ZNF254: variants seen among roughly 807,000 people sequenced by gnomAD.
ZNF254 encodes the protein zinc finger protein 254.
ZNF254 carries 10 observed loss-of-function variants against 12.4 expected under a neutral mutation model. The observed-to-expected ratio is 0.80, with a 90% CI of 0.50 to 1.36. The LOEUF is 1.36. ZNF254 is among the 40% of genes most tolerant of loss of function. The probability of loss-of-function intolerance (pLI) is 0.00; values close to 1 mark genes in which losing one functional copy is unlikely to be tolerated. For missense variants in ZNF254, 996 were observed against 763.9 expected (o/e 1.30, Z -3.58); for synonymous variants, 305 against 253.4 (o/e 1.20, Z -1.93).
At chr19:24,103,582 A>C (rs1973158513) in intron 1 of ZNF254, among the ~76,000 whole-genome samples, 1 of 152,174 alleles carries the variant, frequency 6.6e-6, no homozygotes, top group Admixed American at 6.5e-5. Flanking sequence ...TGTGACTCTC[A>C]GGTGCCAGCA....
chr19:24,087,877 A>G (rs943881950), intron 1 of ZNF254, among the ~76,000 whole-genome samples: 1 of 149,432 alleles, frequency 6.7e-6, no homozygotes, highest in Admixed American at 6.7e-5. Context: ...AAATTCAATA[A>G]TTGGCTAGGT....
At chr19:24,072,506 G>A (rs915693466) in intron 2 of ZNF254, among the ~76,000 whole-genome samples, 4 of 152,112 alleles carry the variant, frequency 2.6e-5, no homozygotes, top group Admixed American at 1.3e-4. Flanking sequence ...TGTATTTTGG[G>A]TATTAAGACA....
At chr19:24,061,438 G>T (rs1209264963) in intron 2 of ZNF254, among the ~76,000 whole-genome samples, 1 of 152,106 alleles carries the variant, frequency 6.6e-6, no homozygotes, top group East Asian at 1.9e-4. Flanking sequence ...AAGATGTGAT[G>T]CCTTTTCTAC....
Position 24,128,917 on chromosome 19 carries a change from A to G in ZNF254, c.*937A>G, listed in dbSNP as rs1380033825. ...TTTTTGAAAATACAGATTTTTTTTA[A>G]AAGTGAATAATGTGTTCAACTCTTA... On this transcript the variant is annotated 3_prime_UTR_variant, in exon 4 of 4. Coordinates refer to ENST00000357002, the MANE Select transcript of ZNF254 (RefSeq NM_203282.4). 2 of 152,050 alleles carry G rather than the reference A, an allele frequency of 1.3e-5. No homozygotes were observed. Among genetic ancestry groups the G allele is most frequent in the African/African-American group, 4.8e-5 (2 of 41,446 alleles). 9.4% of individuals were successfully genotyped at this position (152,050 alleles called of 1,614,324 possible).
intron 2 of ZNF254, among the ~76,000 whole-genome samples, chr19:24,070,291 C>T (rs1421248985): frequency 6.6e-6 from 1 of 152,222 alleles, no homozygotes; most frequent in East Asian, 1.9e-4. Context: ...GCATTGAATG[C>T]CCTTACATGG....
chr19:24,042,706 C>T (rs1009687721), intron 1 of ZNF254, among the ~76,000 whole-genome samples: 2 of 152,170 alleles, frequency 1.3e-5, no homozygotes, highest in Non-Finnish European at 2.9e-5. Context: ...AAACCAGTAC[C>T]TGTGTCTTCC....
chr19:24,120,266 C>G (rs1974387687), intron 3 of ZNF254, among the ~76,000 whole-genome samples: 1 of 152,116 alleles, frequency 6.6e-6, no homozygotes, highest in Admixed American at 6.6e-5. Context: ...TGCATCCCTC[C>G]CACAACATAT....
upstream of ZNF254, among the ~76,000 whole-genome samples, chr19:24,084,931 T>A (rs1243207925): frequency 2.6e-5 from 3 of 116,086 alleles, no homozygotes; most frequent in Non-Finnish European, 5.2e-5. Flanking sequence ...GTGACCACAA[T>A]CTTTTTTTTT....
At chr19:24,068,944 T>C (rs1004086192) in intron 2 of ZNF254, among the ~76,000 whole-genome samples, 3 of 152,154 alleles carry the variant, frequency 2.0e-5, no homozygotes, top group African/African-American at 7.2e-5. Context: ...AAATATTCTA[T>C]AAAGCCCTCG....
intron 2 of ZNF254, among the ~76,000 whole-genome samples, chr19:24,058,401 C>T (rs113462373): frequency 1.8e-5 from 2 of 112,474 alleles, no homozygotes; most frequent in Non-Finnish European, 4.3e-5. Context: ...CTTTTTCTTT[C>T]TTTCTTTCTT....
intron 1 of ZNF254, chr19:24,104,523 T>A (rs1973219951): frequency 6.6e-6 from 1 of 152,136 alleles, no homozygotes; most frequent in South Asian, 2.1e-4. Context: ...TACTTGCAAA[T>A]CTTCACTTCT....
chr19:24,123,669 C>T (rs186730417), intron 3 of ZNF254, among the ~76,000 whole-genome samples: 1 of 152,058 alleles, frequency 6.6e-6, no homozygotes, highest in East Asian at 1.9e-4. Context: ...TCATAGGTTC[C>T]CAGTGAATGA....
chr19:24,119,335 G>T (rs534086207), intron 3 of ZNF254, among the ~76,000 whole-genome samples: 2 of 151,880 alleles, frequency 1.3e-5, no homozygotes, highest in Admixed American at 1.3e-4. Flanking sequence ...GGGACTACAG[G>T]TGTGTGCGAC....
chr19:24,116,811 C>T (rs1199281192), intron 3 of ZNF254, among the ~76,000 whole-genome samples: 2 of 152,178 alleles, frequency 1.3e-5, no homozygotes, highest in Non-Finnish European at 1.5e-5. Flanking sequence ...TGTTTTTTCC[C>T]CATCTTTGTG....
rs1974838323 is a variant in ZNF254 at position 24,126,371 on chromosome 19, A to C, written c.371A>C (p.Lys124Thr). ...GGACATGAGAATTTACAGTTAAGAA[A>C]AGGCTGTAAAAGTGTGGATGAGTAT... is the stretch of plus-strand genomic sequence containing the variant. ...KYGHENLQLR[K>T]GCKSVDEYKV... The change falls in exon 4 of 4, where the codon AAA (lysine) becomes ACA (threonine). Residue 124 changes from lysine to threonine, a missense_variant. By Grantham distance (78) the Lys-to-Thr change is moderately conservative. Coordinates refer to ENST00000357002, the MANE Select transcript of ZNF254 (RefSeq NM_203282.4). The C allele has an allele frequency of 6.2e-7, 1 of 1,609,536 alleles. No individual in the cohort carries two copies. The highest frequency in any genetic ancestry group is 1.7e-5 in the Admixed American group (1 of 59,226).
In ZNF254 at chr19:24,127,570, G is replaced by T; in HGVS notation, c.1570G>T (p.Gly524Cys). The change falls in exon 4 of 4, where the codon GGC becomes TGC. Residue 524 changes from glycine to cysteine, a missense_variant. By Grantham distance (159) the Gly-to-Cys change is radical. Transcript: ENST00000357002. ...GEKPYKCEEC[G>C]KAFNWSSTLT... The stretch of plus-strand genomic sequence containing the variant: ...GAAACCCTACAAATGTGAAGAATGT[G>T]GCAAAGCCTTTAACTGGTCCTCAAC... 6.2e-7 allele frequency: 1 copy of T among 1,613,458 alleles called. No homozygotes were observed. The highest frequency in any genetic ancestry group is 8.5e-7 in the Non-Finnish European group (1 of 1,179,790).
chr19:24,100,567 A>C (rs1311883924), intron 1 of ZNF254, among the ~76,000 whole-genome samples: 1 of 152,118 alleles, frequency 6.6e-6, no homozygotes, highest in Non-Finnish European at 1.5e-5. Context: ...TAAACTAATA[A>C]TGTCACACTG....
chr19:24,052,958 G>T (rs1226711187), intron 2 of ZNF254, among the ~76,000 whole-genome samples: 1 of 152,166 alleles, frequency 6.6e-6, no homozygotes, highest in African/African-American at 2.4e-5. Flanking sequence ...GTCACATACT[G>T]TGTAAAGTCG....
intron 1 of ZNF254, chr19:24,105,092 G>T (rs1418307539): frequency 6.6e-6 from 1 of 152,654 alleles, no homozygotes; most frequent in African/African-American, 2.4e-5. Flanking sequence ...GTCCTTCTGG[G>T]TGCATCAGCA....
Sources: allele counts gnomAD v4.1 joint callset (sites outside exome capture counted in the v4.1 genomes callset), GRCh38; gene constraint gnomAD v4.1.1; transcripts MANE v1.5; gene names NCBI Gene and HGNC (gene_info 2026-07-23, HGNC 2026-07-21).